RERG: variants seen among roughly 807,000 people sequenced by gnomAD.
RERG encodes the protein ras-related and estrogen-regulated growth inhibitor.
In RERG, 25 loss-of-function variants were observed where a neutral mutation model predicts 23.2. The ratio of observed to expected loss-of-function variants is 1.08; its 90% CI spans 0.79 to 1.50. RERG has a LOEUF of 1.50. Among genes scored for constraint, RERG ranks in the 40% most tolerant of loss-of-function variants. The pLI is 0.00. For missense variants in RERG, 253 were observed against 250.1 expected (o/e 1.01, Z -0.08); for synonymous variants, 81 against 89.1 (o/e 0.91, Z 0.51).
chr12:15,108,805 C>G lies in RERG; in HGVS notation c.*305G>C. 3.9e-6 allele frequency: 1 copy of G among 253,624 alleles called. No homozygotes were observed. Among genetic ancestry groups the G allele is most frequent in the Non-Finnish European group, 7.4e-6 (1 of 134,950 alleles). 15.7% of individuals were successfully genotyped at this position (253,624 alleles called of 1,614,324 possible). On this transcript the variant is annotated 3_prime_UTR_variant, in exon 5 of 5. Transcript: ENST00000256953. Reference sequence around the variant, plus strand: ...ATGCCTTTGCAAAAACTTCAACCTACTTAAAGCAAGGTGAAGATGCCTAAA... The same window carrying G: ...ATGCCTTTGCAAAAACTTCAACCTAGTTAAAGCAAGGTGAAGATGCCTAAA...
rs538510180 is a variant in RERG at position 15,194,310 on chromosome 12, C to T, written c.61+23119G>A. Among the ~76,000 whole-genome samples, 3 of 152,194 alleles carry T rather than the reference C, an allele frequency of 2.0e-5. No homozygotes were observed. In the South Asian group the frequency reaches 6.2e-4, roughly 32 times the overall value. ...AAGGCAAGACATATTTAAGTATAAT[C>T]GTGAATGATCATTCAGAAGTCACTG... On this transcript the variant is annotated intron_variant, in intron 2 of 4. Coordinates refer to ENST00000256953, the MANE Select transcript of RERG (RefSeq NM_032918.3).
chr12:15,200,931 CCTTTA>C (rs1865207311), intron 2 of RERG, among the ~76,000 whole-genome samples: 1 of 151,856 alleles, frequency 6.6e-6, no homozygotes, highest in African/African-American at 2.4e-5. Context: ...CTTCTATCTT[CCTTTA>C]CAATTTCCAT....
chr12:15,214,281 T>C (rs1345831737), intron 2 of RERG, among the ~76,000 whole-genome samples: 2 of 152,204 alleles, frequency 1.3e-5, no homozygotes, highest in East Asian at 1.9e-4. Context: ...ATGTTCTTCA[T>C]AGTTGAAGAA....
At chr12:15,199,324 T>G (rs576201588) in intron 2 of RERG, among the ~76,000 whole-genome samples, 37 of 152,306 alleles carry the variant, frequency 2.4e-4, no homozygotes, top group African/African-American at 8.7e-4. Context: ...TGTTTCCATT[T>G]GATTATGGCA....
At chr12:15,120,588 T>C (rs1380833990) in intron 3 of RERG, among the ~76,000 whole-genome samples, 1 of 152,224 alleles carries the variant, frequency 6.6e-6, no homozygotes, top group Non-Finnish European at 1.5e-5. Context: ...TTGCTGCTTC[T>C]TCTCTCCTTC....
At chr12:15,144,296 G>C (rs1446223523) in intron 2 of RERG, among the ~76,000 whole-genome samples, 3 of 152,174 alleles carry the variant, frequency 2.0e-5, no homozygotes, top group African/African-American at 7.2e-5. Flanking sequence ...AGAGTCTGGT[G>C]TTGAGGGCAG....
At chr12:15,169,240 T>C (rs1341239313) in intron 2 of RERG, among the ~76,000 whole-genome samples, 1 of 152,214 alleles carries the variant, frequency 6.6e-6, no homozygotes, top group East Asian at 1.9e-4. Flanking sequence ...TGGTTAATTT[T>C]ATGCATTAAC....
rs537511842 is a variant in RERG, at chr12:15,202,060, G to A, written c.61+15369C>T. On this transcript the variant is annotated intron_variant, in intron 2 of 4. Transcript: ENST00000256953. ...CTAATCAACATTTAGTTCCTATCCC[G>A]TTCTTTCATTACTTTGTTGTCCTTT... is the stretch of plus-strand genomic sequence containing the variant. Among the ~76,000 whole-genome samples, 119 of 151,692 alleles carry A rather than the reference G, an allele frequency of 7.8e-4. 1 individual carries two copies. In the South Asian group the frequency reaches 0.022, roughly 28 times the overall value.
Position 15,119,249 on chromosome 12 carries a change from G to A in RERG, c.118+1814C>T, listed in dbSNP as rs550690363. 1.8e-4 allele frequency among the ~76,000 whole-genome samples: 27 copies of A among 152,258 alleles called. No homozygotes were observed. The East Asian group carries it at 4.4e-3, about 25-fold the overall frequency. On this transcript the variant is annotated intron_variant, in intron 3 of 4. Transcript: ENST00000256953. ...TCATTATTCTTACTGAAGGAAGCCCGCACTATACATAACTGATGCAGGCAG... is the reference window on the plus strand; with the variant it reads ...TCATTATTCTTACTGAAGGAAGCCCACACTATACATAACTGATGCAGGCAG...
intron 2 of RERG, chr12:15,138,151 T>G (rs1193923020): frequency 4.9e-6 from 1 of 203,326 alleles, no homozygotes; most frequent in East Asian, 1.3e-4. Context: ...CTGGCTGTCA[T>G]TCTTTCGCAT....
intron 2 of RERG, among the ~76,000 whole-genome samples, chr12:15,182,847 G>A (rs571180334): frequency 4.8e-4 from 73 of 152,300 alleles, no homozygotes; most frequent in African/African-American, 1.7e-3. Context: ...GGCTGAGGCA[G>A]GTGGATCGCT....
At chr12:15,156,749 T>C (rs1864528531) in intron 2 of RERG, among the ~76,000 whole-genome samples, 1 of 152,184 alleles carries the variant, frequency 6.6e-6, no homozygotes, top group Non-Finnish European at 1.5e-5. Flanking sequence ...GAGTGATCAA[T>C]ATGATCAATA....
Position 15,139,185 on chromosome 12 carries a change from ATCTG to A in RERG, c.62-18070_62-18067del, listed in dbSNP as rs947995122. 1.6e-4 allele frequency among the ~76,000 whole-genome samples: 25 copies of A among 151,992 alleles called. 1 individual carries two copies. Among genetic ancestry groups the A allele is most frequent in the East Asian group, 5.8e-4 (3 of 5,192 alleles). ...GCTCTTTATTCTGTTTCATCGAACT[ATCTG>A]TCTATTTGTTCATGAATACCATGCT... On this transcript the variant is annotated intron_variant, in intron 2 of 4. Transcript: ENST00000256953.
intron 2 of RERG, among the ~76,000 whole-genome samples, chr12:15,197,770 C>T (rs968101231): frequency 1.3e-5 from 2 of 152,164 alleles, no homozygotes; most frequent in Middle Eastern, 3.4e-3. Context: ...CCTGACTATA[C>T]GGAAGGAAGC....
At chr12:15,175,892 G>A (rs1864844598) in intron 2 of RERG, among the ~76,000 whole-genome samples, 1 of 152,168 alleles carries the variant, frequency 6.6e-6, no homozygotes, top group South Asian at 2.1e-4. Context: ...CTATGATTGT[G>A]AGGCTGCTGA....
chr12:15,115,107 T>A (rs556449227), intron 3 of RERG, among the ~76,000 whole-genome samples: 1 of 151,750 alleles, frequency 6.6e-6, no homozygotes, highest in Non-Finnish European at 1.5e-5. Context: ...TGTATATATA[T>A]AAATATATAA....
intron 2 of RERG, among the ~76,000 whole-genome samples, chr12:15,135,711 T>G (rs970161172): frequency 6.6e-6 from 1 of 152,186 alleles, no homozygotes. Context: ...ATTAGTTAAT[T>G]TTTGAATGTC....
At chr12:15,143,511 A>T (rs923844616) in intron 2 of RERG, among the ~76,000 whole-genome samples, 2 of 152,164 alleles carry the variant, frequency 1.3e-5, no homozygotes, top group Non-Finnish European at 2.9e-5. Flanking sequence ...CATGAAACAA[A>T]TATTAACTAA....
rs1022152418 is a variant in RERG, at chr12:15,144,075, G to T, written c.62-22956C>A. On this transcript the variant is annotated intron_variant, in intron 2 of 4. Coordinates refer to ENST00000256953, the MANE Select transcript of RERG (RefSeq NM_032918.3). ...AGAGGTGAGTGAGGAGGTGAAGAAG[G>T]GTGTGGAGTATGAGAGGAAAAGAGG... 4.6e-5 allele frequency among the ~76,000 whole-genome samples: 7 copies of T among 152,172 alleles called. No individual in the cohort carries two copies. The East Asian group carries it at 1.2e-3, about 25-fold the overall frequency.
Sources: allele counts gnomAD v4.1 joint callset (sites outside exome capture counted in the v4.1 genomes callset), GRCh38; gene constraint gnomAD v4.1.1; transcripts MANE v1.5; gene names NCBI Gene and HGNC (gene_info 2026-07-23, HGNC 2026-07-21).